Variants in ROBO1 observed in about 807,000 individuals in gnomAD.
ROBO1 encodes the protein roundabout guidance receptor 1, also known as roundabout homolog 1.
ROBO1 carries 149 observed loss-of-function variants against 195.9 expected under a neutral mutation model. The ratio of observed to expected loss-of-function variants is 0.76; its 90% CI spans 0.67 to 0.87. The LOEUF is 0.87. Ranked by LOEUF, ROBO1 falls within the 40% of genes least tolerant of loss-of-function variation. ROBO1 has a pLI of 0.00. For synonymous variants in ROBO1, 816 were observed against 733.2 expected, an observed-to-expected ratio of 1.11 and a Z score of -1.82; for missense variants, 1,933 against 2,068.3, an observed-to-expected ratio of 0.93 and a Z score of 1.27.
At chr3:78,816,985 A>C (rs200842527) in intron 4 of ROBO1, among the ~76,000 whole-genome samples, 4 of 3,016 alleles carry the variant, frequency 1.3e-3, no homozygotes, top group Non-Finnish European at 0.5. Context: ...AAAGTATAAT[A>C]AAAAAAATAA....
intron 2 of ROBO1, among the ~76,000 whole-genome samples, chr3:79,182,137 G>A (rs1334283308): frequency 6.6e-6 from 1 of 152,078 alleles, no homozygotes; most frequent in Non-Finnish European, 1.5e-5. Flanking sequence ...TTAAGTCGCA[G>A]TTGATATTCA....
intron 3 of ROBO1, among the ~76,000 whole-genome samples, chr3:79,111,641 A>G (rs1305692023): frequency 6.6e-6 from 1 of 152,136 alleles, no homozygotes; most frequent in Admixed American, 6.6e-5. Context: ...TAGCCTTCTA[A>G]TAACTTATAT....
chr3:79,595,372 G>A (rs908886670), intron 1 of ROBO1, among the ~76,000 whole-genome samples: 8 of 151,916 alleles, frequency 5.3e-5, no homozygotes, highest in African/African-American at 1.7e-4. Flanking sequence ...CACGAATTTC[G>A]TATTACATAA....
At chr3:78,815,936 T>C (rs368643739) in intron 4 of ROBO1, among the ~76,000 whole-genome samples, 3 of 152,212 alleles carry the variant, frequency 2.0e-5, no homozygotes, top group African/African-American at 2.4e-5. Context: ...ACAGTTACTA[T>C]ATATGTTTCC....
intron 4 of ROBO1, among the ~76,000 whole-genome samples, chr3:78,749,178 C>A (rs2108295848): frequency 6.6e-6 from 1 of 152,104 alleles, no homozygotes; most frequent in East Asian, 1.9e-4. Context: ...AAGGTTAACA[C>A]CTTTGAAACA....
chr3:79,277,947 C>T (rs2031186352), intron 2 of ROBO1, among the ~76,000 whole-genome samples: 1 of 151,880 alleles, frequency 6.6e-6, no homozygotes, highest in Non-Finnish European at 1.5e-5. Flanking sequence ...CCAAAAATCC[C>T]TTGGAACTGA....
intron 4 of ROBO1, among the ~76,000 whole-genome samples, chr3:78,850,335 AGAAAG>A (rs1210160041): frequency 6.6e-6 from 1 of 152,236 alleles, no homozygotes; most frequent in Non-Finnish European, 1.5e-5. Context: ...TTTGAATAAA[AGAAAG>A]GAAGTAATAC....
chr3:79,307,595 T>C (rs1449225269), intron 2 of ROBO1, among the ~76,000 whole-genome samples: 1 of 152,062 alleles, frequency 6.6e-6, no homozygotes, highest in African/African-American at 2.4e-5. Context: ...ATGAAATCAC[T>C]ATGAAATATT....
chr3:78,964,824 T>A (rs1431753627), intron 3 of ROBO1, among the ~76,000 whole-genome samples: 2 of 150,832 alleles, frequency 1.3e-5, no homozygotes, highest in South Asian at 2.1e-4. Flanking sequence ...TTTTTTTTTT[T>A]AAACCTGTGT....
chr3:79,055,401 G>C (rs2078786658), intron 3 of ROBO1, among the ~76,000 whole-genome samples: 1 of 152,054 alleles, frequency 6.6e-6, no homozygotes, highest in Non-Finnish European at 1.5e-5. Flanking sequence ...AAAGAAGTTT[G>C]AGGGCTGATG....
intron 3 of ROBO1, among the ~76,000 whole-genome samples, chr3:79,078,969 C>T (rs1432946359): frequency 1.3e-5 from 2 of 151,696 alleles, no homozygotes; most frequent in African/African-American, 2.4e-5. Flanking sequence ...AAAGTGCAGG[C>T]TCTTTAAGAT....
At chr3:79,345,565 G>A (rs954938313) in intron 2 of ROBO1, among the ~76,000 whole-genome samples, 2 of 152,124 alleles carry the variant, frequency 1.3e-5, no homozygotes, top group East Asian at 1.9e-4. Context: ...AAACTACCCA[G>A]TGGCTTTCAA....
At chr3:79,390,192 G>C (rs1214497015) in intron 2 of ROBO1, among the ~76,000 whole-genome samples, 2 of 152,074 alleles carry the variant, frequency 1.3e-5, no homozygotes, top group African/African-American at 4.8e-5. Flanking sequence ...CTGAGAAGGA[G>C]CAGTGGGAAA....
At chr3:78,685,033 G>C (rs2081020672) in intron 10 of ROBO1, among the ~76,000 whole-genome samples, 1 of 151,708 alleles carries the variant, frequency 6.6e-6, no homozygotes, top group Admixed American at 6.6e-5. Context: ...CATGGCTTTG[G>C]TTCTATTTTT....
At chr3:79,323,884 C>T (rs1041748289) in intron 2 of ROBO1, among the ~76,000 whole-genome samples, 5 of 152,090 alleles carry the variant, frequency 3.3e-5, no homozygotes, top group Non-Finnish European at 7.4e-5. Flanking sequence ...GTATGCCCCC[C>T]GAGTAGTGTT....
chr3:79,377,171 C>T (rs2036413616), intron 2 of ROBO1, among the ~76,000 whole-genome samples: 2 of 151,776 alleles, frequency 1.3e-5, no homozygotes, highest in African/African-American at 2.4e-5. Flanking sequence ...ATTGTGACCC[C>T]CCTAATTTAT....
At chr3:79,099,700 A>C (rs1217766100) in intron 3 of ROBO1, among the ~76,000 whole-genome samples, 3 of 151,966 alleles carry the variant, frequency 2.0e-5, no homozygotes, top group East Asian at 1.9e-4. Flanking sequence ...AGAGATTATA[A>C]GCATATTTTA....
At chr3:79,453,568 G>T (rs921553429) in intron 2 of ROBO1, among the ~76,000 whole-genome samples, 1 of 152,112 alleles carries the variant, frequency 6.6e-6, no homozygotes, top group Non-Finnish European at 1.5e-5. Context: ...AGGTTGGGCA[G>T]TCACAAGGTA....
At chr3:79,605,819 T>G (rs1265735090) in intron 1 of ROBO1, among the ~76,000 whole-genome samples, 2 of 151,978 alleles carry the variant, frequency 1.3e-5, no homozygotes, top group South Asian at 2.1e-4. Context: ...CTTATGGATG[T>G]GACAATTGTC....
Sources: gnomAD v4.1 joint callset for allele counts (sites outside exome capture counted in the v4.1 genomes callset) on GRCh38, gnomAD v4.1.1 for gene constraint, MANE v1.5 for transcripts, NCBI Gene and HGNC (gene_info 2026-07-23, HGNC 2026-07-21) for gene names.